The following FXR2 variants were observed in gnomAD, a reference collection of about 807,000 sequenced individuals.
FXR2 encodes the protein FMR1 autosomal homolog 2, also known as RNA-binding protein FXR2.
Under a neutral mutation model 87.3 loss-of-function variants are expected in FXR2, and 9 were observed. The observed-to-expected ratio is 0.10, with a 90% confidence interval of 0.06 to 0.18. FXR2 has a LOEUF of 0.18. Among genes scored for constraint, FXR2 ranks in the 10% least tolerant of loss-of-function variants. FXR2 has a pLI of 1.00. For missense variants in FXR2, 661 were observed against 893.6 expected, an observed-to-expected ratio of 0.74 and a Z score of 3.32; for synonymous variants, 331 against 328.3, an observed-to-expected ratio of 1.01 and a Z score of -0.09.
At chr17:7,611,837 C>T (rs2071867314) in intron 1 of FXR2, among the ~76,000 whole-genome samples, 1 of 152,148 alleles carries the variant, frequency 6.6e-6, no homozygotes, top group Non-Finnish European at 1.5e-5. Context: ...AAGGTCAAAA[C>T]GGATAAGTAT....
rs1164847960 is a variant in FXR2 at position 7,614,813 on chromosome 17, CCCCGCTGCTGCCTCAGTCCCGGGA to C, written c.-305_-282del. The C allele has an allele frequency of 5.4e-6, 1 of 185,774 alleles. No individual in the cohort carries two copies. The highest frequency in any genetic ancestry group is 2.4e-5 in the African/African-American group (1 of 42,088). 11.5% of individuals were successfully genotyped at this position (185,774 alleles called of 1,614,324 possible). On this transcript the variant is annotated 5_prime_UTR_variant, in exon 1 of 17. Transcript: ENST00000250113. ...CACCTCAGCTTCCGCCCGCCGCCGC[CCCCGCTGCTGCCTCAGTCCCGGGA>C]CCCGCTGCTGCCGCTGCCGCTCCAC...
Position 7,610,005 on chromosome 17 carries a change from C to CAT in FXR2, c.82-3858_82-3857dup, listed in dbSNP as rs113172845. 7.6e-3 allele frequency among the ~76,000 whole-genome samples: 752 copies of CAT among 98,690 alleles called. 34 individuals are homozygous for CAT. The highest frequency in any genetic ancestry group is 0.028 in the African/African-American group (684 of 24,116). The allele number at this position is 98,690 out of a possible 152,430, so 64.7% of individuals were successfully genotyped here. The stretch of plus-strand genomic sequence containing the variant: ...ATATATATATACATGTATATGTATA[C>CAT]ATATATATATACATGTATATGTATA... On this transcript the variant is annotated intron_variant, in intron 1 of 16. Transcript: ENST00000250113.
chr17:7,593,507 T>C lies in FXR2; in HGVS notation c.1226A>G (p.Tyr409Cys), dbSNP rs1327865771. The change falls in exon 12 of 17, where the codon TAT (tyrosine) becomes TGT (cysteine). Residue 409 changes from tyrosine (Y) to cysteine (C), a missense_variant. By Grantham distance (194) the Tyr-to-Cys change is radical (BLOSUM62 -2). Coordinates refer to ENST00000250113, the MANE Select transcript of FXR2 (RefSeq NM_004860.4). The surrounding 1 kb of genome is among the most constrained non-coding windows in gnomAD (Gnocchi z 6.1). ...GGAGGAGGAGCTCTCATCAGTGCTA[T>C]ATCCAGCCTTGTCGCTGCCACCGCT... Reference protein sequence around the residue: ...RGSGGSDKAGYSTDESSSSSL... With the variant: ...RGSGGSDKAGCSTDESSSSSL... The C allele has an allele frequency of 1.3e-6, 2 of 1,587,356 alleles. No homozygotes were observed. The highest frequency in any genetic ancestry group is 1.7e-6 in the Non-Finnish European group (2 of 1,168,612).
intron 1 of FXR2, among the ~76,000 whole-genome samples, chr17:7,610,292 GA>G (rs946623736): frequency 8.5e-5 from 13 of 152,124 alleles, no homozygotes; most frequent in Admixed American, 8.5e-4. Flanking sequence ...TACACTGACA[GA>G]AAGAAGTGGA....
chr17:7,599,667 C>T (rs2071737118), intron 7 of FXR2, among the ~76,000 whole-genome samples: 1 of 151,898 alleles, frequency 6.6e-6, no homozygotes, highest in African/African-American at 2.4e-5. Context: ...ACCTGAGGTC[C>T]ATAGTTTGAG....
At chr17:7,600,883 C>CA (rs1567750526) in intron 7 of FXR2, among the ~76,000 whole-genome samples, 2 of 149,458 alleles carry the variant, frequency 1.3e-5, no homozygotes, top group East Asian at 2.0e-4. Context: ...GACTCCGTCT[C>CA]AAAAAAAACC....
At position 7,609,980 on chromosome 17, in the gene FXR2, A is replaced by ATG. The variant is rs369176442; in HGVS notation, c.82-3832_82-3831insCA. Among the ~76,000 whole-genome samples, 289 of 60,726 alleles carry ATG rather than the reference A, an allele frequency of 4.8e-3. 10 individuals carry two copies. Among genetic ancestry groups the ATG allele is most frequent in the Non-Finnish European group, 9.0e-3 (220 of 24,314 alleles). The allele number at this position is 60,726 out of a possible 152,430, so 39.8% of individuals were successfully genotyped here. Reference sequence around the variant, plus strand: ...CATATATATACATGTATATGTATACATATATATATACATGTATATGTATAC... The same window carrying ATG: ...CATATATATACATGTATATGTATACATGTATATATATACATGTATATGTATAC... On this transcript the variant is annotated intron_variant, in intron 1 of 16. Coordinates refer to ENST00000250113, the MANE Select transcript of FXR2 (RefSeq NM_004860.4).
chr17:7,593,656 G>A lies in FXR2; in HGVS notation c.1108-31C>T. The A allele has an allele frequency of 7.0e-7, 1 of 1,435,752 alleles. No individual in the cohort carries two copies. Among genetic ancestry groups the A allele is most frequent in the East Asian group, 2.4e-5 (1 of 41,212 alleles). 88.9% of individuals were successfully genotyped at this position (1,435,752 alleles called of 1,614,324 possible). ...TGGGTAAAAGATGGAAGAAGGGGAA[G>A]GAGAAATAAGATCAGTGCCTTGCTT... is the stretch of plus-strand genomic sequence containing the variant. On this transcript the variant is annotated intron_variant, in intron 11 of 16. Transcript: ENST00000250113. This position sits in a 1 kb window ranked among gnomAD's most constrained non-coding sequence, Gnocchi z 6.1.
rs1288780661 is a variant in FXR2, at chr17:7,593,524, G to A, written c.1209C>T (p.Gly403=). 3 of 1,588,844 alleles carry A rather than the reference G, an allele frequency of 1.9e-6. No individual in the cohort carries two copies. The highest frequency in any genetic ancestry group is 2.7e-5 in the African/African-American group (2 of 74,484). The change falls in exon 12 of 17, where the codon GGC becomes GGT. Residue 403 remains glycine, a synonymous_variant. Transcript: ENST00000250113. This position sits in a 1 kb window ranked among gnomAD's most constrained non-coding sequence, Gnocchi z 6.1. ...CAGTGCTATATCCAGCCTTGTCGCT[G>A]CCACCGCTGCCCCGCCCACTCCCAG... is the stretch of plus-strand genomic sequence containing the variant. ...RPPGSGRGSG[G]SDKAGYSTDE... is the part of the protein sequence containing the mutation.
intron 7 of FXR2, among the ~76,000 whole-genome samples, chr17:7,599,589 T>C (rs2071736271): frequency 6.6e-6 from 1 of 152,070 alleles, no homozygotes; most frequent in Non-Finnish European, 1.5e-5. Flanking sequence ...AGAAATACTC[T>C]AGTCAGGCCA....
rs774775998 is a variant in FXR2, at chr17:7,592,744, A to G, written c.1679T>C (p.Met560Thr). ...CCCATCTGATTCCAGGCCTCCATCC[A>G]TGACGGTCCTGTCTTCATCAGTGCG... ...RRRTDEDRTVMDGGLESDGPN... is the reference protein window; with the variant it reads ...RRRTDEDRTVTDGGLESDGPN... Residue 560 changes from methionine to threonine, a missense_variant, in exon 14 of 17, where the codon ATG becomes ACG. Around this residue, in one of 3 missense-constraint regions of FXR2, gnomAD observed 409 missense variants for 432.0 expected, o/e 0.95. Transcript: ENST00000250113. This position sits in a 1 kb window ranked among gnomAD's most constrained non-coding sequence, Gnocchi z 4.8. 1 of 1,612,544 alleles carries G rather than the reference A, an allele frequency of 6.2e-7. No homozygotes were observed. Among genetic ancestry groups the G allele is most frequent in the Non-Finnish European group, 8.5e-7 (1 of 1,179,520 alleles).
Position 7,593,036 on chromosome 17 carries a change from G to A in FXR2, c.1476C>T (p.Pro492=), listed in dbSNP as rs747644712. Residue 492 remains proline (P), a synonymous_variant, in exon 13 of 17, where the codon CCC becomes CCT. Transcript: ENST00000250113. The surrounding 1 kb of genome is among the most constrained non-coding windows in gnomAD (Gnocchi z 6.1). ...RRPTGGRGRG[P]PPAPRPTSRY... is the part of the protein sequence containing the mutation. ...TCGAAGTGGGCCGGGGGGCAGGTGG[G>A]GGTCCCCTACCCCGGCCCCCAGTCG... 3.2e-6 allele frequency: 5 copies of A among 1,576,778 alleles called. No homozygotes were observed. Among genetic ancestry groups the A allele is most frequent in the Non-Finnish European group, 4.3e-6 (5 of 1,164,784 alleles).
At chr17:7,605,092 GGCATGGTGGCTCA>G (rs965136968) in intron 3 of FXR2, among the ~76,000 whole-genome samples, 23 of 149,904 alleles carry the variant, frequency 1.5e-4, no homozygotes, top group African/African-American at 5.8e-4. Context: ...AGGACGGCAG[GGCATGGTGGCTCA>G]TGCCTGTAAT....
chr17:7,609,633 ATTCAAGTC>A (rs1300989440), intron 1 of FXR2, among the ~76,000 whole-genome samples: 13 of 151,870 alleles, frequency 8.6e-5, no homozygotes, highest in Admixed American at 8.6e-4. Context: ...ACTGTTCTCC[ATTCAAGTC>A]TTCTGAGGCA....
chr17:7,606,675 G>A (rs2071805699), intron 1 of FXR2, among the ~76,000 whole-genome samples: 1 of 152,054 alleles, frequency 6.6e-6, no homozygotes. Context: ...AAATTGTGAT[G>A]AACACAATTT....
chr17:7,609,961 T>TACATGTATATGTATAAATATAC (rs761974498), intron 1 of FXR2, among the ~76,000 whole-genome samples: 1 of 109,464 alleles, frequency 9.1e-6, no homozygotes, highest in Non-Finnish European at 2.3e-5. Flanking sequence ...TATACATATA[T>TACATGTATATGTATAAATATAC]ATACATGTAT....
rs1358158047 is a variant in FXR2 at position 7,595,092 on chromosome 17, CAG to C, written c.832-337_832-336del. On this transcript the variant is annotated intron_variant, in intron 8 of 16. Transcript: ENST00000250113. The surrounding 1 kb of genome is among the most constrained non-coding windows in gnomAD (Gnocchi z 4.7). ...TGCCACTGCACTCTAGCCCGGGCAA[CAG>C]AGTGAGTTAGACTCCATCTCATAAA... Among the ~76,000 whole-genome samples the C allele has an allele frequency of 6.7e-6, 1 of 149,316 alleles. No homozygotes were observed. The highest frequency in any genetic ancestry group is 6.7e-5 in the Admixed American group (1 of 14,866).
At chr17:7,603,671 C>A (rs1376861201) in intron 5 of FXR2, 86 bp downstream of exon 5, 3 of 1,356,054 alleles carry the variant, frequency 2.2e-6, no homozygotes, top group South Asian at 1.2e-5. Context: ...GAGAAAACTG[C>A]AAAGTGGGAG....
intron 7 of FXR2, among the ~76,000 whole-genome samples, chr17:7,597,778 T>C (rs1034821140): frequency 1.3e-5 from 2 of 151,616 alleles, no homozygotes; most frequent in Non-Finnish European, 2.9e-5. Flanking sequence ...GTGATTGCCT[T>C]AACCTTTGGC....
Sources: gnomAD v4.1 joint callset for allele counts (sites outside exome capture counted in the v4.1 genomes callset) on GRCh38, gnomAD v4.1.1 for gene constraint, gnomAD v4.1.1 regional missense constraint, Gnocchi (gnomAD v3.1) non-coding constraint, MANE v1.5 for transcripts, NCBI Gene and HGNC (gene_info 2026-07-23, HGNC 2026-07-21) for gene names.